Variants in TSPAN32 observed in about 807,000 individuals in gnomAD.
TSPAN32 encodes tetraspanin-32.
A neutral mutation model predicts 42.7 loss-of-function variants in TSPAN32; 47 were observed. The observed-to-expected ratio is 1.10, with a 90% CI of 0.87 to 1.40. The LOEUF is 1.40. Among genes scored for constraint, TSPAN32 ranks in the 40% most tolerant of loss-of-function variants. TSPAN32 has a pLI of 0.00. For synonymous variants in TSPAN32, 175 were observed against 175.9 expected (o/e 0.99, Z 0.04); for missense variants, 469 against 424.1 (o/e 1.11, Z -0.93).
rs145517785 is a variant in TSPAN32, at chr11:2,302,165, C to T, written c.16C>T (p.Arg6Ter). The T allele has an allele frequency of 4.0e-5, 57 of 1,426,928 alleles. 1 individual carries two copies. In the African/African-American group the frequency reaches 6.5e-4, roughly 16 times the overall value. The allele number at this position is 1,426,928 out of a possible 1,614,324, so 88.4% of individuals were successfully genotyped here. The change falls in exon 1 of 10, where the codon CGA (arginine) becomes TGA (stop). Residue 6 changes from arginine to a stop codon, truncating the protein, a stop_gained. Transcript: ENST00000182290. LOFTEE classifies it high-confidence loss of function. MGPWS[R>*]VRVAKCQMLV... Reference sequence around the variant, plus strand: ...AGGAACCGTCATGGGGCCTTGGAGTCGAGTCAGGGTTGCCAAATGCCAGAT... The same window carrying T: ...AGGAACCGTCATGGGGCCTTGGAGTTGAGTCAGGGTTGCCAAATGCCAGAT...
chr11:2,316,119 C>A, intron 6 of TSPAN32, 110 bp from the exon 7 acceptor site: 1 of 1,523,624 alleles, frequency 6.6e-7, no homozygotes, highest in Admixed American at 2.0e-5. Flanking sequence ...CGCCCTGCTG[C>A]CCTGGCATTG....
chr11:2,314,425 G>A, intron 5 of TSPAN32, 60 bp from the exon 6 acceptor site: 3 of 1,399,912 alleles, frequency 2.1e-6, no homozygotes, highest in Non-Finnish European at 3.0e-6. Flanking sequence ...CCCCATATGT[G>A]CTGCCCGCCT....
rs1489965434 is a variant in TSPAN32, at chr11:2,304,515, C to A, written c.279+311C>A. On this transcript the variant is annotated intron_variant, in intron 3 of 9. Coordinates refer to ENST00000182290, the MANE Select transcript of TSPAN32 (RefSeq NM_139022.3). This position sits in a 1 kb window ranked among gnomAD's most constrained non-coding sequence, Gnocchi z 4.8. ...CTATAGGAGCTCTGAAAGAGAGAGACGGCCCTCCTGACCCTGGGAGCTGTT... is the reference window on the plus strand; with the variant it reads ...CTATAGGAGCTCTGAAAGAGAGAGAAGGCCCTCCTGACCCTGGGAGCTGTT... 4.0e-5 allele frequency among the ~76,000 whole-genome samples: 6 copies of A among 151,320 alleles called. No homozygotes were observed. Among genetic ancestry groups the A allele is most frequent in the African/African-American group, 1.5e-4 (6 of 41,098 alleles).
rs144535356 is a variant in TSPAN32, at chr11:2,313,344, C to A, written c.355-310C>A. Among the ~76,000 whole-genome samples the A allele has an allele frequency of 1.9e-3, 285 of 152,300 alleles. No homozygotes were observed. Among genetic ancestry groups the A allele is most frequent in the African/African-American group, 6.5e-3 (269 of 41,552 alleles). On this transcript the variant is annotated intron_variant, in intron 4 of 9. Transcript: ENST00000182290. The surrounding 1 kb of genome is among the most constrained non-coding windows in gnomAD (Gnocchi z 9.1). Reference sequence around the variant, plus strand: ...CGTGCTGGAAACTTCTGTGGGCCAACCTTGTAAGACCACAGCGGAGGCGGA... The same window carrying A: ...CGTGCTGGAAACTTCTGTGGGCCAAACTTGTAAGACCACAGCGGAGGCGGA...
At chr11:2,315,176 G>T in intron 6 of TSPAN32, 3 of 441,514 alleles carry the variant, frequency 6.8e-6, no homozygotes, top group Non-Finnish European at 1.0e-5. Context: ...AGCCCACCCT[G>T]CCCCCTCCCT....
intron 6 of TSPAN32, 23 bp from the exon 7 acceptor site, chr11:2,316,206 C>A (rs780008827): frequency 1.3e-6 from 2 of 1,541,210 alleles, no homozygotes; most frequent in South Asian, 2.5e-5. Flanking sequence ...AGGGCGGGTA[C>A]CATGCCTGCT....
chr11:2,314,123 G>A (rs1848637276), intron 5 of TSPAN32, among the ~76,000 whole-genome samples: 1 of 146,280 alleles, frequency 6.8e-6, no homozygotes, highest in African/African-American at 2.6e-5. Context: ...AGGAGTTCGA[G>A]ACCAGCCTGA....
In TSPAN32 at chr11:2,316,142, G is replaced by A. The variant is rs530130338; in HGVS notation, c.544-87G>A. 7 of 1,516,468 alleles carry A rather than the reference G, an allele frequency of 4.6e-6. No individual in the cohort carries two copies. In the East Asian group the frequency reaches 9.9e-5, roughly 21 times the overall value. The allele number at this position is 1,516,468 out of a possible 1,614,324, so 93.9% of individuals were successfully genotyped here. A position where few individuals can be genotyped will look rare whatever the true frequency, so the allele number is the denominator to read the frequency against. On this transcript the variant is annotated intron_variant, in intron 6 of 9. Coordinates refer to ENST00000182290, the MANE Select transcript of TSPAN32 (RefSeq NM_139022.3). ...TGCCCTGGCATTGGCCTAGGTGGGC[G>A]CTGCAGCTCCATGGCCCCACAGAGG...
At chr11:2,315,617 G>A (rs1442797225) in intron 6 of TSPAN32, 3 of 1,183,072 alleles carry the variant, frequency 2.5e-6, no homozygotes, top group Non-Finnish European at 3.2e-6. Flanking sequence ...TGCCTGCGGG[G>A]GACAGGAGGG....
rs780797896 is a variant in TSPAN32, at chr11:2,302,018, G to C, written c.-132G>C. On this transcript the variant is annotated 5_prime_UTR_variant, in exon 1 of 10. Transcript: ENST00000182290. The stretch of plus-strand genomic sequence containing the variant: ...GCACCCAGCAGCTCGGTCCTAGGGC[G>C]ATGTTGACAGACAGACAGAGGGGCG... 4.0e-6 allele frequency: 6 copies of C among 1,491,650 alleles called. No individual in the cohort carries two copies. In the Admixed American group the frequency reaches 1.4e-4, roughly 34 times the overall value. The allele number at this position is 1,491,650 out of a possible 1,614,324, so 92.4% of individuals were successfully genotyped here. A position where few individuals can be genotyped will look rare whatever the true frequency, so the allele number is the denominator to read the frequency against.
rs537733956 is a variant in TSPAN32, at chr11:2,306,233, C to T, written c.279+2029C>T. ...GAAAGATTTTTTCCAATGGGCTGGG[C>T]GCCTGGATGCTCCCCACAAAGCCCC... On this transcript the variant is annotated intron_variant, in intron 3 of 9. Transcript: ENST00000182290. Among the ~76,000 whole-genome samples, 7 of 152,186 alleles carry T rather than the reference C, an allele frequency of 4.6e-5. No individual in the cohort carries two copies. In the East Asian group the frequency reaches 7.7e-4, roughly 17 times the overall value.
chr11:2,316,886 C>T (rs1848832139), intron 8 of TSPAN32, among the ~76,000 whole-genome samples: 1 of 152,182 alleles, frequency 6.6e-6, no homozygotes, highest in South Asian at 2.1e-4. Flanking sequence ...ACATGGGGAC[C>T]CCCCTTTGCT....
chr11:2,312,975 A>T (rs1848552899), intron 4 of TSPAN32, among the ~76,000 whole-genome samples: 1 of 152,160 alleles, frequency 6.6e-6, no homozygotes. Context: ...GTAACTTGGC[A>T]GGGGAGAGCA....
In TSPAN32 at chr11:2,316,559, G is replaced by T; in HGVS notation, c.628-17G>T. The T allele has an allele frequency of 2.5e-6, 4 of 1,600,746 alleles. No homozygotes were observed. The South Asian group carries it at 3.3e-5, about 13-fold the overall frequency. ...CACCCTGGGGCAGTGGGGCAGCCGC[G>T]GGTGTCTCCCTCCCAGGTGTCCGCC... On this transcript the variant is annotated splice_polypyrimidine_tract_variant and intron_variant, in intron 7 of 9. Coordinates refer to ENST00000182290, the MANE Select transcript of TSPAN32 (RefSeq NM_139022.3).
At chr11:2,303,696 C>A (rs976385308) in intron 2 of TSPAN32, among the ~76,000 whole-genome samples, 1 of 152,058 alleles carries the variant, frequency 6.6e-6, no homozygotes, top group African/African-American at 2.4e-5. Flanking sequence ...GCCTGGGGCC[C>A]AGGTCCAGGT....
chr11:2,305,371 C>CT (rs1554938603), intron 3 of TSPAN32, among the ~76,000 whole-genome samples: 2 of 34,374 alleles, frequency 5.8e-5, no homozygotes, highest in African/African-American at 2.1e-4. Context: ...AGGTAGTCTG[C>CT]CCCCCCCCCC....
At chr11:2,305,375 C>G (rs575039990) in intron 3 of TSPAN32, among the ~76,000 whole-genome samples, 1 of 149,500 alleles carries the variant, frequency 6.7e-6, no homozygotes, top group Non-Finnish European at 1.5e-5. Flanking sequence ...AGTCTGCCCC[C>G]CCCCCCAGAG....
intron 6 of TSPAN32, chr11:2,315,100 C>A: frequency 2.2e-6 from 1 of 450,536 alleles, no homozygotes; most frequent in Non-Finnish European, 3.3e-6. Flanking sequence ...GAAGCCTTTC[C>A]TCCCCAGGGC....
At chr11:2,306,020 A>G (rs549599699) in intron 3 of TSPAN32, among the ~76,000 whole-genome samples, 1 of 133,530 alleles carries the variant, frequency 7.5e-6, no homozygotes, top group Non-Finnish European at 1.7e-5. Context: ...GTGTGTGTGC[A>G]TGTGTGTGTG....
Sources: allele counts gnomAD v4.1 joint callset (sites outside exome capture counted in the v4.1 genomes callset), GRCh38; gene constraint gnomAD v4.1.1; non-coding constraint Gnocchi (gnomAD v3.1); transcripts MANE v1.5; gene names NCBI Gene and HGNC (gene_info 2026-07-23, HGNC 2026-07-21).